The following ERC2 variants were observed in gnomAD, a reference collection of about 807,000 sequenced individuals.
ERC2 encodes ERC protein 2.
Under a neutral mutation model 114.8 loss-of-function variants are expected in ERC2, and 42 were observed. That is an observed-to-expected ratio of 0.37 (90% confidence interval 0.29 to 0.47). The LOEUF (loss-of-function observed/expected upper bound fraction) is 0.47, where lower values mean the gene tolerates loss of function less well. ERC2 is among the 20% of genes least tolerant of loss of function. The pLI is 0.99. For missense variants in ERC2, 939 were observed against 1,150.7 expected, an observed-to-expected ratio of 0.82 and a Z score of 2.66; for synonymous variants, 454 against 425.5, an observed-to-expected ratio of 1.07 and a Z score of -0.82.
intron 14 of ERC2, among the ~76,000 whole-genome samples, chr3:55,876,788 A>T (rs2062870153): frequency 6.6e-6 from 1 of 152,178 alleles, no homozygotes; most frequent in Non-Finnish European, 1.5e-5. Flanking sequence ...GCCAGGGTTT[A>T]CATCTCACAG....
At chr3:56,399,896 A>G (rs1252938498) in intron 2 of ERC2, among the ~76,000 whole-genome samples, 1 of 152,218 alleles carries the variant, frequency 6.6e-6, no homozygotes, top group Non-Finnish European at 1.5e-5. Flanking sequence ...CTGGAGGGAA[A>G]CTATAGGACA....
At chr3:56,064,194 C>T (rs548430153) in intron 7 of ERC2, among the ~76,000 whole-genome samples, 1 of 152,264 alleles carries the variant, frequency 6.6e-6, no homozygotes, top group Non-Finnish European at 1.5e-5. Flanking sequence ...CATTTCATAC[C>T]TGCCATCTAC....
At chr3:55,704,957 T>C (rs864622) in intron 15 of ERC2, among the ~76,000 whole-genome samples, 2 of 151,934 alleles carry the variant, frequency 1.3e-5, no homozygotes, top group Non-Finnish European at 2.9e-5. Context: ...GGCCCTCTTT[T>C]ACAGATGAGG....
At chr3:55,682,639 G>A (rs576897760) in intron 17 of ERC2, among the ~76,000 whole-genome samples, 41 of 152,228 alleles carry the variant, frequency 2.7e-4, no homozygotes, top group African/African-American at 9.6e-4. Flanking sequence ...GGCAAGACTC[G>A]GGGAAAGACA....
At chr3:55,821,866 G>A (rs900677486) in intron 14 of ERC2, among the ~76,000 whole-genome samples, 2 of 152,236 alleles carry the variant, frequency 1.3e-5, no homozygotes, top group East Asian at 3.8e-4. Context: ...CTGGGGCTCA[G>A]AGAAGTCCCA....
intron 14 of ERC2, among the ~76,000 whole-genome samples, chr3:55,864,939 A>T (rs2062232010): frequency 1.3e-5 from 2 of 152,142 alleles, no homozygotes; most frequent in Admixed American, 6.6e-5. Context: ...TATCACCATC[A>T]TTACCATATC....
intron 2 of ERC2, among the ~76,000 whole-genome samples, chr3:56,379,792 G>C (rs929698931): frequency 2.6e-5 from 4 of 152,188 alleles, no homozygotes; most frequent in African/African-American, 9.6e-5. Flanking sequence ...ACAAGGTAAG[G>C]AAGGGAAGGG....
intron 6 of ERC2, among the ~76,000 whole-genome samples, chr3:56,101,211 G>A (rs1004769380): frequency 6.4e-4 from 97 of 152,224 alleles, no homozygotes; most frequent in African/African-American, 2.1e-3. Context: ...AGGCTGGTGC[G>A]CCTCCAGCCT....
At chr3:56,347,395 C>T (rs1283361781) in intron 2 of ERC2, among the ~76,000 whole-genome samples, 5 of 151,930 alleles carry the variant, frequency 3.3e-5, no homozygotes, top group Non-Finnish European at 7.4e-5. Flanking sequence ...CTATAGGGGG[C>T]GCTGGAGGAA....
intron 17 of ERC2, among the ~76,000 whole-genome samples, chr3:55,663,871 G>A (rs887601004): frequency 2.0e-5 from 3 of 152,196 alleles, no homozygotes; most frequent in Non-Finnish European, 4.4e-5. Flanking sequence ...TTCTAACCAT[G>A]TACACACACT....
chr3:56,286,708 G>T (rs2054744061), intron 3 of ERC2, among the ~76,000 whole-genome samples: 1 of 151,590 alleles, frequency 6.6e-6, no homozygotes, highest in Admixed American at 6.6e-5. Flanking sequence ...ACGTACTTAC[G>T]TAATCCTTTC....
intron 14 of ERC2, among the ~76,000 whole-genome samples, chr3:55,759,666 G>A (rs2148992510): frequency 6.6e-6 from 1 of 152,082 alleles, no homozygotes; most frequent in South Asian, 2.1e-4. Context: ...AAAGGGTTTT[G>A]GAAAACAGCA....
chr3:56,087,747 G>T (rs983611420), intron 6 of ERC2, among the ~76,000 whole-genome samples: 7 of 152,054 alleles, frequency 4.6e-5, no homozygotes, highest in Admixed American at 2.0e-4. Context: ...ACTCACAAAA[G>T]CTCCCAATAT....
In ERC2 at chr3:55,992,782, A is replaced by G. The variant is rs148837850; in HGVS notation, c.2062-532T>C. Among the ~76,000 whole-genome samples, 576 of 152,350 alleles carry G rather than the reference A, an allele frequency of 3.8e-3. 1 individual carries two copies. The highest frequency in any genetic ancestry group is 0.013 in the African/African-American group (544 of 41,580). ...CATTCCACTGAGAAATTTCAGCAGG[A>G]AATATAGTTTGAAAGGAGGCTTGGA... On this transcript the variant is annotated intron_variant, in intron 10 of 17. Coordinates refer to ENST00000288221, the MANE Select transcript of ERC2 (RefSeq NM_015576.3).
intron 2 of ERC2, among the ~76,000 whole-genome samples, chr3:56,301,587 C>T (rs2055877728): frequency 6.6e-6 from 1 of 151,928 alleles, no homozygotes; most frequent in Non-Finnish European, 1.5e-5. Flanking sequence ...ACTCATTTAC[C>T]AAGCTGGGCA....
At chr3:55,522,706 G>A (rs2053044210) in intron 17 of ERC2, among the ~76,000 whole-genome samples, 1 of 152,088 alleles carries the variant, frequency 6.6e-6, no homozygotes, top group Non-Finnish European at 1.5e-5. Context: ...AAGCACAAGG[G>A]CCCAGGGCTG....
At chr3:56,160,206 T>C (rs2081974074) in intron 4 of ERC2, among the ~76,000 whole-genome samples, 1 of 152,214 alleles carries the variant, frequency 6.6e-6, no homozygotes, top group African/African-American at 2.4e-5. Context: ...TGGTGTAAGA[T>C]GGCTTCTCAC....
chr3:56,230,501 C>T (rs1297898139), intron 3 of ERC2, among the ~76,000 whole-genome samples: 2 of 152,076 alleles, frequency 1.3e-5, no homozygotes, highest in African/African-American at 4.8e-5. Flanking sequence ...CTCAAGCACT[C>T]TTCTTGTCTC....
At chr3:56,119,210 A>G (rs550716229) in intron 6 of ERC2, among the ~76,000 whole-genome samples, 1 of 152,342 alleles carries the variant, frequency 6.6e-6, no homozygotes, top group African/African-American at 2.4e-5. Flanking sequence ...TTGTTACCAC[A>G]GCTTAACACA....
Sources: allele counts gnomAD v4.1 joint callset (sites outside exome capture counted in the v4.1 genomes callset), GRCh38; gene constraint gnomAD v4.1.1; transcripts MANE v1.5; gene names NCBI Gene and HGNC (gene_info 2026-07-23, HGNC 2026-07-21).